CTBP2: variants seen among roughly 807,000 people sequenced by gnomAD.
CTBP2 encodes the protein C-terminal-binding protein 2.
A neutral mutation model predicts 80.3 loss-of-function variants in CTBP2; 30 were observed. The observed-to-expected ratio is 0.37, with a 90% confidence interval of 0.28 to 0.51. The LOEUF (loss-of-function observed/expected upper bound fraction) is 0.51. CTBP2 is among the 20% of genes least tolerant of loss of function. The probability of loss-of-function intolerance (pLI) is 0.93; values close to 1 mark genes in which losing one functional copy is unlikely to be tolerated. For synonymous variants in CTBP2, 594 were observed against 587.4 expected, an observed-to-expected ratio of 1.01 and a Z score of -0.16; for missense variants, 1,212 against 1,375.3, an observed-to-expected ratio of 0.88 and a Z score of 1.88.
At chr10:125,020,307 T>G (rs1956910011) in intron 1 of CTBP2, among the ~76,000 whole-genome samples, 1 of 151,748 alleles carries the variant, frequency 6.6e-6, no homozygotes. Context: ...GTTGGGGGGA[T>G]GGGATGGGGA....
intron 1 of CTBP2, among the ~76,000 whole-genome samples, chr10:125,023,521 C>T (rs891797254): frequency 2.0e-4 from 30 of 152,216 alleles, no homozygotes; most frequent in Admixed American, 5.9e-4. Flanking sequence ...GTGCCATAGC[C>T]GGCCAGGTCA....
At chr10:125,123,860 G>A (rs1307944008) in intron 1 of CTBP2, among the ~76,000 whole-genome samples, 3 of 152,228 alleles carry the variant, frequency 2.0e-5, no homozygotes, top group African/African-American at 7.2e-5. Flanking sequence ...GCCTCCCAGG[G>A]CCACACCCAA....
chr10:125,134,840 C>G (rs1041464496), intron 1 of CTBP2, among the ~76,000 whole-genome samples: 1 of 151,960 alleles, frequency 6.6e-6, no homozygotes, highest in Admixed American at 6.5e-5. Context: ...CAGGCATAGC[C>G]CTCCCCACTC....
At position 125,083,724 on chromosome 10, in the gene CTBP2, G is replaced by A. The variant is rs545031428; in HGVS notation, c.-102+27266C>T. The stretch of plus-strand genomic sequence containing the variant: ...TCCTGGACTCCAGCCGTCCTGCCAC[G>A]TCAGCTTCTCAAGTAGCTGTGACTG... On this transcript the variant is annotated intron_variant, in intron 2 of 10. Coordinates refer to the CTBP2 transcript ENST00000337195. Among the ~76,000 whole-genome samples, 448 of 152,190 alleles carry A rather than the reference G, an allele frequency of 2.9e-3. 2 individuals are homozygous for A. Among genetic ancestry groups the A allele is most frequent in the African/African-American group, 1.0e-2 (414 of 41,532 alleles).
chr10:124,995,388 G>A (rs1031996830), intron 4 of CTBP2, among the ~76,000 whole-genome samples: 2 of 152,168 alleles, frequency 1.3e-5, no homozygotes, highest in African/African-American at 2.4e-5. Context: ...AAACCCATGG[G>A]GTCCCCCTCG....
chr10:124,996,123 CTT>C (rs896972490), intron 4 of CTBP2: 5 of 147,508 alleles, frequency 3.4e-5, no homozygotes, highest in African/African-American at 1.3e-4. Context: ...GACCCAATGA[CTT>C]AATCCTGCTA....
At chr10:125,132,144 G>A (rs1298452168) in intron 1 of CTBP2, among the ~76,000 whole-genome samples, 1 of 152,184 alleles carries the variant, frequency 6.6e-6, no homozygotes, top group East Asian at 1.9e-4. Context: ...GGTAACAAGT[G>A]GAATTTCGTT....
chr10:125,160,042 C>T (rs1008272468), intron 1 of CTBP2: 11 of 150,516 alleles, frequency 7.3e-5, no homozygotes, highest in African/African-American at 2.7e-4. Context: ...CAACAAAAAT[C>T]CTGGCGCAAA....
At chr10:125,079,431 A>T (rs1232513344) in intron 2 of CTBP2, among the ~76,000 whole-genome samples, 1 of 152,152 alleles carries the variant, frequency 6.6e-6, no homozygotes, top group Non-Finnish European at 1.5e-5. Context: ...CCAAACTTAA[A>T]ATCTAGGGAT....
chr10:125,047,725 A>G (rs529601624), intron 2 of CTBP2, among the ~76,000 whole-genome samples: 25 of 152,248 alleles, frequency 1.6e-4, no homozygotes, highest in Non-Finnish European at 2.2e-4. Flanking sequence ...TATGTATCAT[A>G]TAGTATATAA....
At chr10:125,080,744 C>G (rs990804494) in intron 2 of CTBP2, among the ~76,000 whole-genome samples, 2 of 152,154 alleles carry the variant, frequency 1.3e-5, no homozygotes, top group Non-Finnish European at 2.9e-5. Context: ...AGACTTAGGT[C>G]TCAAGCTGTG....
chr10:125,155,352 T>C (rs1213325801), intron 1 of CTBP2, among the ~76,000 whole-genome samples: 2 of 151,928 alleles, frequency 1.3e-5, no homozygotes, highest in Admixed American at 1.3e-4. Flanking sequence ...ACACAAACAA[T>C]GGCCTGGCTC....
At chr10:125,043,082 T>C (rs1226408089) in intron 2 of CTBP2, among the ~76,000 whole-genome samples, 1 of 152,240 alleles carries the variant, frequency 6.6e-6, no homozygotes, top group East Asian at 1.9e-4. Context: ...AAGCCACTTG[T>C]AGATACTTGG....
chr10:125,122,218 G>A (rs567741361), intron 1 of CTBP2, among the ~76,000 whole-genome samples: 2 of 152,338 alleles, frequency 1.3e-5, no homozygotes, highest in South Asian at 2.1e-4. Context: ...CTGCTCAGCC[G>A]CATTTCTGCA....
upstream of CTBP2, chr10:125,161,141 C>G (rs1861859878): frequency 6.6e-6 from 1 of 151,754 alleles, no homozygotes; most frequent in Admixed American, 6.6e-5. Context: ...GCCTCGCCCC[C>G]TTCAGATACT....
At chr10:125,023,638 C>T (rs1165071025) in intron 1 of CTBP2, among the ~76,000 whole-genome samples, 1 of 152,190 alleles carries the variant, frequency 6.6e-6, no homozygotes, top group African/African-American at 2.4e-5. Flanking sequence ...GCACTGGGGT[C>T]CCCGCAGCAT....
intron 2 of CTBP2, among the ~76,000 whole-genome samples, chr10:125,070,892 A>C (rs1447502098): frequency 6.6e-6 from 1 of 152,182 alleles, no homozygotes; most frequent in Non-Finnish European, 1.5e-5. Flanking sequence ...AGTCTCCCAA[A>C]GTGCCAGGAT....
At chr10:125,111,209 G>A (rs1852247177) in intron 1 of CTBP2, 116 bp from the exon 2 acceptor site, 1 of 152,002 alleles carries the variant, frequency 6.6e-6, no homozygotes, top group South Asian at 2.1e-4. Context: ...AGCTACCAGA[G>A]GTTATTAAAT....
At chr10:125,096,262 CT>C (rs1056750169) in intron 2 of CTBP2, among the ~76,000 whole-genome samples, 11 of 152,134 alleles carry the variant, frequency 7.2e-5, no homozygotes, top group African/African-American at 2.4e-4. Context: ...TCCTTTTCGT[CT>C]TTTTTTCTGA....
Sources: allele counts gnomAD v4.1 joint callset (sites outside exome capture counted in the v4.1 genomes callset), GRCh38; gene constraint gnomAD v4.1.1; transcripts MANE v1.5; gene names NCBI Gene and HGNC (gene_info 2026-07-23, HGNC 2026-07-21).